SOS1: variants seen among roughly 807,000 people sequenced by gnomAD.
SOS1 encodes SOS Ras/Rac guanine nucleotide exchange factor 1.
A neutral mutation model predicts 157.6 loss-of-function variants in SOS1; 25 were observed. The observed-to-expected ratio is 0.16, with a 90% CI of 0.12 to 0.22. The LOEUF is 0.22. Among genes scored for constraint, SOS1 ranks in the 10% least tolerant of loss-of-function variants. The probability of loss-of-function intolerance (pLI) is 1.00; values close to 1 mark genes in which losing one functional copy is unlikely to be tolerated. For missense variants in SOS1, 1,237 were observed against 1,599.1 expected, an observed-to-expected ratio of 0.77 and a Z score of 3.86; for synonymous variants, 528 against 534.0, an observed-to-expected ratio of 0.99 and a Z score of 0.16.
Position 39,056,813 on chromosome 2 carries a change from G to C in SOS1, c.399C>G (p.Val133=). 1 of 1,605,804 alleles carries C rather than the reference G, an allele frequency of 6.2e-7. No homozygotes were observed. Among genetic ancestry groups the C allele is most frequent in the Non-Finnish European group, 8.5e-7 (1 of 1,172,610 alleles). The change falls in exon 4 of 23, where the codon GTC becomes GTG. Residue 133 remains valine, a synonymous_variant. Transcript: ENST00000402219. ...DHQVSVYIVA[V]LEYISADILK... ...AAATGTCTGCAGAAATGTATTCTAAGACTGCTACTATGTAAACAGAAACCT... is the reference window on the plus strand; with the variant it reads ...AAATGTCTGCAGAAATGTATTCTAACACTGCTACTATGTAAACAGAAACCT...
At chr2:39,044,851 T>TGCGCGC (rs774095006) in intron 6 of SOS1, among the ~76,000 whole-genome samples, 6 of 146,068 alleles carry the variant, frequency 4.1e-5, no homozygotes, top group Non-Finnish European at 9.1e-5. Flanking sequence ...TACACACACA[T>TGCGCGC]GCGCGCGCGC....
intron 5 of SOS1, among the ~76,000 whole-genome samples, chr2:39,052,825 G>C (rs1407075553): frequency 6.6e-6 from 1 of 152,044 alleles, no homozygotes; most frequent in Non-Finnish European, 1.5e-5. Flanking sequence ...GAATTGCTGG[G>C]CAATATGGTT....
intron 1 of SOS1, among the ~76,000 whole-genome samples, chr2:39,097,886 T>C (rs1558511928): frequency 6.6e-6 from 1 of 152,218 alleles, no homozygotes; most frequent in Non-Finnish European, 1.5e-5. Context: ...TAACCCTTGA[T>C]TAAAACAGTT....
chr2:39,033,561 G>A (rs772960971), intron 8 of SOS1, among the ~76,000 whole-genome samples: 5 of 151,982 alleles, frequency 3.3e-5, no homozygotes, highest in Non-Finnish European at 5.9e-5. Flanking sequence ...TTTGAGACAG[G>A]GGCTTGCTCT....
At chr2:39,089,492 GC>G (rs1346999997) in intron 1 of SOS1, among the ~76,000 whole-genome samples, 1 of 135,666 alleles carries the variant, frequency 7.4e-6, no homozygotes, top group Non-Finnish European at 1.5e-5. Flanking sequence ...TTGTGCCATG[GC>G]ACTCCAGCCT....
intron 15 of SOS1, among the ~76,000 whole-genome samples, chr2:39,008,909 A>C (rs1479790899): frequency 6.7e-6 from 1 of 149,180 alleles, no homozygotes; most frequent in Non-Finnish European, 1.5e-5. Context: ...TTCCAGCAAA[A>C]ACAGATGAGG....
Position 39,116,583 on chromosome 2 carries a change from C to T in SOS1, c.87+3753G>A, listed in dbSNP as rs183343534. ...TGTGCTGTTACTCCCCTACTTAAAA[C>T]TTATTGGCTGGGCACAGTGGCTCAC... On this transcript the variant is annotated intron_variant, in intron 1 of 22. Coordinates refer to ENST00000402219, the MANE Select transcript of SOS1 (RefSeq NM_005633.4). Among the ~76,000 whole-genome samples, 575 of 152,306 alleles carry T rather than the reference C, an allele frequency of 3.8e-3. 4 individuals are homozygous for T. Among genetic ancestry groups the T allele is most frequent in the Non-Finnish European group, 5.3e-3 (363 of 68,022 alleles).
chr2:38,995,477 A>AT (rs1668865072), intron 19 of SOS1, 90 bp from the exon 20 acceptor site: 2 of 956,856 alleles, frequency 2.1e-6, no homozygotes, highest in South Asian at 2.7e-5. Context: ...TTCAGCTAAT[A>AT]TACAGGAAAA....
intron 1 of SOS1, among the ~76,000 whole-genome samples, chr2:39,114,072 T>G (rs568268559): frequency 5.9e-5 from 9 of 152,092 alleles, no homozygotes; most frequent in Non-Finnish European, 8.8e-5. Flanking sequence ...GTATGATCAA[T>G]GACTCTTTCT....
intron 8 of SOS1, 38 bp downstream of exon 8, chr2:39,035,174 T>C (rs748606508): frequency 1.4e-6 from 2 of 1,429,170 alleles, no homozygotes; most frequent in African/African-American, 2.8e-5. Context: ...AAATTCACAC[T>C]TGAATATGTT....
intron 1 of SOS1, among the ~76,000 whole-genome samples, chr2:39,094,839 T>G (rs1183000649): frequency 6.6e-6 from 1 of 152,166 alleles, no homozygotes; most frequent in Non-Finnish European, 1.5e-5. Flanking sequence ...CTTAGCCACA[T>G]ACAGCCTCTT....
chr2:39,034,798 C>T, intron 8 of SOS1: 1 of 457,028 alleles, frequency 2.2e-6, no homozygotes, highest in Non-Finnish European at 4.4e-6. Flanking sequence ...GCCTTATCCT[C>T]ACACTGGCTC....
intron 1 of SOS1, among the ~76,000 whole-genome samples, chr2:39,069,740 G>T (rs1242666997): frequency 6.6e-6 from 1 of 152,064 alleles, no homozygotes; most frequent in Non-Finnish European, 1.5e-5. Context: ...TGGAGACGGG[G>T]TTTCACCACG....
At chr2:39,021,813 A>G (rs906462640) in intron 10 of SOS1, among the ~76,000 whole-genome samples, 2 of 151,780 alleles carry the variant, frequency 1.3e-5, no homozygotes, top group African/African-American at 4.8e-5. Flanking sequence ...CTGAATAAAA[A>G]ACATTTTTAT....
chr2:39,045,273 AGTGTGTGTGTGTGT>A (rs60673777), intron 6 of SOS1, among the ~76,000 whole-genome samples: 9 of 108,048 alleles, frequency 8.3e-5, no homozygotes, highest in Admixed American at 5.9e-4. Context: ...AGAGAGAGAG[AGTGTGTGTGTGTGT>A]GTGTGTGTGT....
chr2:39,124,682 A>G (rs954092639), upstream of SOS1, among the ~76,000 whole-genome samples: 21 of 152,256 alleles, frequency 1.4e-4, no homozygotes, highest in African/African-American at 5.1e-4. Context: ...TCAAGAACTC[A>G]CACTGGCGTC....
chr2:39,050,842 TCTTA>T (rs1182027714), intron 6 of SOS1, among the ~76,000 whole-genome samples: 4 of 152,190 alleles, frequency 2.6e-5, no homozygotes, highest in African/African-American at 7.2e-5. Context: ...TTCTGTGGTC[TCTTA>T]CTTAATAGTC....
rs780325991 is a variant in SOS1 at position 39,120,317 on chromosome 2, G to C, written c.87+19C>G. The stretch of plus-strand genomic sequence containing the variant: ...CTGGGGGGCTGCGGCCGGGAAGCGG[G>C]GTCCCGCGTGCTCCTCACCTTTTTC... On this transcript the variant is annotated intron_variant, in intron 1 of 22. Transcript: ENST00000402219. 5 of 1,561,328 alleles carry C rather than the reference G, an allele frequency of 3.2e-6. No individual in the cohort carries two copies. In the Admixed American group the frequency reaches 7.0e-5, roughly 22 times the overall value.
chr2:39,077,894 G>C (rs1198064862), intron 1 of SOS1, among the ~76,000 whole-genome samples: 1 of 152,022 alleles, frequency 6.6e-6, no homozygotes, highest in Non-Finnish European at 1.5e-5. Flanking sequence ...ACCTGAGTTA[G>C]GAAAGAATTT....
Sources: allele counts gnomAD v4.1 joint callset (sites outside exome capture counted in the v4.1 genomes callset), GRCh38; gene constraint gnomAD v4.1.1; transcripts MANE v1.5; gene names NCBI Gene and HGNC (gene_info 2026-07-23, HGNC 2026-07-21).